Variants in FAM227B observed in about 807,000 individuals in gnomAD.
FAM227B encodes family with sequence similarity 227 member B.
FAM227B carries 88 observed loss-of-function variants against 73.8 expected under a neutral mutation model. The ratio of observed to expected loss-of-function variants is 1.19; its 90% CI spans 1.00 to 1.42. The LOEUF (loss-of-function observed/expected upper bound fraction) is 1.42, where lower values mean the gene tolerates loss of function less well. FAM227B is among the 40% of genes most tolerant of loss of function. The pLI, the probability that FAM227B is intolerant of heterozygous loss-of-function variation, is 0.00. For synonymous variants in FAM227B, 210 were observed against 190.5 expected, an observed-to-expected ratio of 1.10 and a Z score of -0.84; for missense variants, 632 against 590.9, an observed-to-expected ratio of 1.07 and a Z score of -0.72.
chr15:49,595,966 G>C (rs760369776), intron 3 of FAM227B, among the ~76,000 whole-genome samples: 4 of 151,956 alleles, frequency 2.6e-5, no homozygotes, highest in Non-Finnish European at 4.4e-5. Context: ...AGGAGTCTGA[G>C]ATTATGTTAC....
intron 11 of FAM227B, among the ~76,000 whole-genome samples, chr15:49,392,598 A>G (rs1443937436): frequency 6.6e-6 from 1 of 152,216 alleles, no homozygotes; most frequent in Non-Finnish European, 1.5e-5. Context: ...CGTGAAGAAG[A>G]CAAAGAGCAA....
intron 11 of FAM227B, among the ~76,000 whole-genome samples, chr15:49,503,812 G>A (rs191129168): frequency 9.9e-5 from 15 of 152,036 alleles, no homozygotes; most frequent in African/African-American, 2.9e-4. Context: ...ATAGAAACAC[G>A]TTTACACTGT....
chr15:49,578,456 T>A (rs1422276850), intron 5 of FAM227B, among the ~76,000 whole-genome samples: 2 of 138,700 alleles, frequency 1.4e-5, no homozygotes, highest in East Asian at 5.3e-4. Flanking sequence ...TATGTATACA[T>A]ACTATAGACA....
At chr15:49,494,600 C>A (rs762007290) in intron 11 of FAM227B, among the ~76,000 whole-genome samples, 8 of 152,082 alleles carry the variant, frequency 5.3e-5, no homozygotes, top group Non-Finnish European at 7.4e-5. Flanking sequence ...TTCCCTCACA[C>A]AGTATTCATA....
intron 11 of FAM227B, among the ~76,000 whole-genome samples, chr15:49,476,254 C>A (rs554970945): frequency 6.1e-5 from 7 of 114,880 alleles, no homozygotes; most frequent in African/African-American, 1.9e-4. Context: ...TTGCATTTGG[C>A]ATATACTGCC....
At chr15:49,349,258 T>G (rs1287779961) in intron 13 of FAM227B, among the ~76,000 whole-genome samples, 1 of 152,198 alleles carries the variant, frequency 6.6e-6, no homozygotes, top group East Asian at 1.9e-4. Context: ...TACTCATTCA[T>G]GTGAAACAAA....
chr15:49,568,637 G>T (rs2074851934), intron 8 of FAM227B, among the ~76,000 whole-genome samples: 1 of 151,930 alleles, frequency 6.6e-6, no homozygotes. Flanking sequence ...TCATATTTTT[G>T]TAACTTTTTA....
At chr15:49,609,790 T>TA (rs2065555156) in intron 3 of FAM227B, among the ~76,000 whole-genome samples, 1 of 151,834 alleles carries the variant, frequency 6.6e-6, no homozygotes, top group Admixed American at 6.6e-5. Flanking sequence ...AGTCAAACCA[T>TA]AAAAAATAAC....
chr15:49,591,549 G>A (rs548869347), intron 3 of FAM227B, among the ~76,000 whole-genome samples: 3 of 126,898 alleles, frequency 2.4e-5, no homozygotes, highest in Admixed American at 1.9e-4. Flanking sequence ...GCAGTGGCAC[G>A]ATCTTGGCTC....
intron 1 of FAM227B, among the ~76,000 whole-genome samples, chr15:49,615,852 TA>T (rs1567713925): frequency 6.6e-6 from 1 of 152,136 alleles, no homozygotes; most frequent in Non-Finnish European, 1.5e-5. Context: ...GCTAATAATA[TA>T]AGCTATTATA....
rs370292104 is a variant in FAM227B at position 49,607,285 on chromosome 15, G to A, written c.105+3930C>T. Among the ~76,000 whole-genome samples the A allele has an allele frequency of 2.9e-4, 44 of 152,264 alleles. 2 individuals carry two copies. The South Asian group carries it at 5.8e-3, about 20-fold the overall frequency. ...AAAGAGTGCTATATAAATACGTTAA[G>A]TGCCCTCTTCCAAATCCTGTAAATG... On this transcript the variant is annotated intron_variant, in intron 3 of 15. Transcript: ENST00000299338.
At chr15:49,588,646 G>A (rs1265923018) in intron 4 of FAM227B, among the ~76,000 whole-genome samples, 1 of 135,360 alleles carries the variant, frequency 7.4e-6, no homozygotes, top group Non-Finnish European at 1.6e-5. Flanking sequence ...GAAAGGATAT[G>A]TTCATACTTT....
Position 49,327,988 on chromosome 15 carries a change from A to G in FAM227B, c.*580T>C. 2.5e-6 allele frequency: 4 copies of G among 1,613,820 alleles called. No individual in the cohort carries two copies. The highest frequency in any genetic ancestry group is 2.2e-5 in the South Asian group (2 of 91,064). On this transcript the variant is annotated 3_prime_UTR_variant, in exon 16 of 16. Transcript: ENST00000299338. ...CTCAAGGGTCACGACTTACTGGAGC[A>G]GGATGGGGAGGCTGCACAGTATCAA...
At position 49,508,234 on chromosome 15, in the gene FAM227B, T is replaced by C. The variant is rs939058214; in HGVS notation, c.989A>G (p.Asp330Gly). 20 of 1,610,798 alleles carry C rather than the reference T, an allele frequency of 1.2e-5. No homozygotes were observed. The highest frequency in any genetic ancestry group is 1.7e-4 in the Middle Eastern group (1 of 6,044). Residue 330 changes from aspartate to glycine, a missense_variant, in exon 11 of 16, where the codon GAC becomes GGC. Physicochemically the swap from Asp to Gly is moderately conservative, Grantham distance 94 (BLOSUM62 -1). Transcript: ENST00000299338. ...ACTAGTTGATATATGTTCTTGACTG[T>C]CTGCAATTCTTTCCTTTACTGATTT... ...PAKSVKERIA[D>G]SQEHISTSID...
intron 9 of FAM227B, among the ~76,000 whole-genome samples, chr15:49,545,698 A>G (rs535977664): frequency 1.3e-5 from 2 of 152,194 alleles, no homozygotes; most frequent in South Asian, 4.1e-4. Flanking sequence ...TGTCAGTATT[A>G]CTGTTCAGTT....
intron 11 of FAM227B, among the ~76,000 whole-genome samples, chr15:49,453,388 G>A (rs1329606198): frequency 6.6e-6 from 1 of 151,982 alleles, no homozygotes; most frequent in Non-Finnish European, 1.5e-5. Flanking sequence ...ACAGGCATGC[G>A]CCACCGTGCC....
intron 10 of FAM227B, among the ~76,000 whole-genome samples, chr15:49,521,598 C>T (rs972294766): frequency 2.0e-5 from 3 of 152,168 alleles, no homozygotes; most frequent in African/African-American, 7.2e-5. Flanking sequence ...CCTGAGCTTG[C>T]ACAAAGGGAG....
chr15:49,399,091 T>C (rs900026395), intron 11 of FAM227B, among the ~76,000 whole-genome samples: 2 of 143,338 alleles, frequency 1.4e-5, no homozygotes, highest in African/African-American at 5.2e-5. Context: ...ACAAAATTGA[T>C]AGACCGCTAG....
At chr15:49,505,426 A>G (rs1247994806) in intron 11 of FAM227B, among the ~76,000 whole-genome samples, 1 of 152,130 alleles carries the variant, frequency 6.6e-6, no homozygotes, top group African/African-American at 2.4e-5. Context: ...AAGCTGAAAA[A>G]ACATGTAATT....
Sources: gnomAD v4.1 joint callset for allele counts (sites outside exome capture counted in the v4.1 genomes callset) on GRCh38, gnomAD v4.1.1 for gene constraint, MANE v1.5 for transcripts, NCBI Gene and HGNC (gene_info 2026-07-23, HGNC 2026-07-21) for gene names.